SPAG16: variants seen among roughly 807,000 people sequenced by gnomAD.
SPAG16 encodes the protein sperm-associated antigen 16 protein.
Under a neutral mutation model 80.4 loss-of-function variants are expected in SPAG16, and 86 were observed. The ratio of observed to expected loss-of-function variants is 1.07; its 90% CI spans 0.90 to 1.28. The LOEUF is 1.28. Among genes scored for constraint, SPAG16 ranks in the 50% most tolerant of loss-of-function variants. The probability of loss-of-function intolerance (pLI) is 0.00; values close to 1 mark genes in which losing one functional copy is unlikely to be tolerated. For synonymous variants in SPAG16, 294 were observed against 265.9 expected (o/e 1.11, Z -1.03); for missense variants, 870 against 765.3 (o/e 1.14, Z -1.61).
At chr2:214,113,269 C>G (rs746370338) in intron 14 of SPAG16, among the ~76,000 whole-genome samples, 2 of 152,148 alleles carry the variant, frequency 1.3e-5, no homozygotes, top group Admixed American at 1.3e-4. Context: ...TTCATTTCAA[C>G]CTTGATGAAT....
intron 10 of SPAG16, among the ~76,000 whole-genome samples, chr2:213,697,117 G>A (rs1459032267): frequency 6.6e-6 from 1 of 152,174 alleles, no homozygotes; most frequent in Non-Finnish European, 1.5e-5. Flanking sequence ...AAAGAAAGGG[G>A]ATGGGTAGAA....
At position 214,023,417 on chromosome 2, in the gene SPAG16, A is replaced by G. The variant is rs536005855; in HGVS notation, c.1527+9340A>G. Among the ~76,000 whole-genome samples, 5 of 148,886 alleles carry G rather than the reference A, an allele frequency of 3.4e-5. No homozygotes were observed. In the East Asian group the frequency reaches 7.9e-4, roughly 24 times the overall value. On this transcript the variant is annotated intron_variant, in intron 13 of 15. Transcript: ENST00000331683. ...TCCTAAGGCATTCATTAAAAAAAAAAGAAAAAAATACTTTATGTGTTTTCT... is the reference window on the plus strand; with the variant it reads ...TCCTAAGGCATTCATTAAAAAAAAAGGAAAAAAATACTTTATGTGTTTTCT...
rs35606696 is a variant in SPAG16, at chr2:214,050,291, TAAA to T, written c.1527+36229_1527+36231del. 9.4e-3 allele frequency among the ~76,000 whole-genome samples: 1,348 copies of T among 143,396 alleles called. 20 individuals are homozygous for T. The highest frequency in any genetic ancestry group is 0.033 in the African/African-American group (1,283 of 38,440). The allele number at this position is 143,396 out of a possible 152,430, so 94.1% of individuals were successfully genotyped here. On this transcript the variant is annotated intron_variant, in intron 13 of 15. Transcript: ENST00000331683. ...TAAATCCACAGTCCTGGGCCCCAGC[TAAA>T]AAAAAAAAAAAAAATTCAGTTTATC...
intron 10 of SPAG16, among the ~76,000 whole-genome samples, chr2:213,511,770 G>A (rs1229672789): frequency 6.6e-6 from 1 of 151,828 alleles, no homozygotes; most frequent in Non-Finnish European, 1.5e-5. Flanking sequence ...TCCTTTAAGT[G>A]TCTCATATTC....
chr2:213,629,133 A>T (rs917743416), intron 10 of SPAG16, among the ~76,000 whole-genome samples: 2 of 152,220 alleles, frequency 1.3e-5, no homozygotes, highest in South Asian at 4.1e-4. Context: ...ACATCAACGA[A>T]GTTAAAAGAC....
chr2:213,358,506 C>T (rs925928469), intron 7 of SPAG16, among the ~76,000 whole-genome samples: 11 of 152,080 alleles, frequency 7.2e-5, no homozygotes, highest in African/African-American at 1.2e-4. Flanking sequence ...TTCATTAAGT[C>T]GATCTTCAAT....
chr2:213,289,845 G>T (rs760765715), intron 1 of SPAG16, among the ~76,000 whole-genome samples: 19 of 152,204 alleles, frequency 1.2e-4, no homozygotes, highest in Non-Finnish European at 2.8e-4. Flanking sequence ...TAAAGATGCT[G>T]CTACTGCTGG....
At chr2:213,892,119 C>G (rs1017697611) in intron 11 of SPAG16, among the ~76,000 whole-genome samples, 1 of 152,004 alleles carries the variant, frequency 6.6e-6, no homozygotes, top group Non-Finnish European at 1.5e-5. Context: ...CAGCACCACA[C>G]GAAAGGAGGT....
intron 12 of SPAG16, among the ~76,000 whole-genome samples, chr2:213,966,564 G>A (rs1559638452): frequency 6.6e-6 from 1 of 152,146 alleles, no homozygotes; most frequent in Non-Finnish European, 1.5e-5. Context: ...CTGCCAAGGT[G>A]TTGAAAATAA....
intron 11 of SPAG16, among the ~76,000 whole-genome samples, chr2:213,906,713 A>G (rs905374430): frequency 6.6e-6 from 1 of 152,142 alleles, no homozygotes; most frequent in East Asian, 1.9e-4. Context: ...ATTAATCCAC[A>G]TATTTACAGC....
At chr2:214,225,099 A>G (rs75515363) in intron 15 of SPAG16, among the ~76,000 whole-genome samples, 4,839 of 152,286 alleles carry the variant, frequency 0.032, 109 homozygotes, top group Non-Finnish European at 0.047. Context: ...ACAAACCTCA[A>G]GTTTAAAAAG....
At chr2:214,002,926 C>A (rs1206096166) in intron 12 of SPAG16, among the ~76,000 whole-genome samples, 1 of 152,168 alleles carries the variant, frequency 6.6e-6, no homozygotes, top group Non-Finnish European at 1.5e-5. Flanking sequence ...ACATACTTAT[C>A]CTGGTCAAGT....
chr2:214,144,930 A>G (rs994934125), intron 14 of SPAG16, among the ~76,000 whole-genome samples: 2 of 152,076 alleles, frequency 1.3e-5, no homozygotes, highest in East Asian at 3.9e-4. Context: ...TGCAATATAA[A>G]GACATAGGGA....
At chr2:213,980,712 G>GTGTGTATATA (rs1469351640) in intron 12 of SPAG16, among the ~76,000 whole-genome samples, 11 of 113,998 alleles carry the variant, frequency 9.6e-5, no homozygotes, top group African/African-American at 4.2e-4. Flanking sequence ...GTGTGTGTGT[G>GTGTGTATATA]TATATATATA....
chr2:213,744,132 T>C (rs951792244), intron 10 of SPAG16, among the ~76,000 whole-genome samples: 2 of 152,220 alleles, frequency 1.3e-5, no homozygotes, highest in South Asian at 4.1e-4. Context: ...GAGTAGTTTA[T>C]GGAGGTTGAA....
At chr2:213,718,267 T>C (rs2066333932) in intron 10 of SPAG16, among the ~76,000 whole-genome samples, 2 of 151,590 alleles carry the variant, frequency 1.3e-5, no homozygotes, top group Non-Finnish European at 2.9e-5. Context: ...TCATAATCAC[T>C]GGTCACTAGA....
chr2:214,345,394 CCG>C (rs1697989955), intron 15 of SPAG16, among the ~76,000 whole-genome samples: 1 of 152,076 alleles, frequency 6.6e-6, no homozygotes, highest in South Asian at 2.1e-4. Context: ...ACAATTCAGC[CCG>C]CTCTCATCTC....
chr2:213,407,920 C>A (rs181737798), intron 9 of SPAG16, among the ~76,000 whole-genome samples: 4 of 73,434 alleles, frequency 5.4e-5, no homozygotes, highest in Admixed American at 1.7e-4. Flanking sequence ...GAGAGAGAGA[C>A]AGGAGAGAGA....
intron 15 of SPAG16, among the ~76,000 whole-genome samples, chr2:214,371,728 T>C (rs1034594904): frequency 5.4e-5 from 8 of 148,828 alleles, no homozygotes; most frequent in African/African-American, 1.5e-4. Flanking sequence ...TCGTCCAGGC[T>C]GGAGTGCAAT....
Sources: gnomAD v4.1 joint callset for allele counts (sites outside exome capture counted in the v4.1 genomes callset) on GRCh38, gnomAD v4.1.1 for gene constraint, MANE v1.5 for transcripts, NCBI Gene and HGNC (gene_info 2026-07-23, HGNC 2026-07-21) for gene names.